Variants in TNNI3K observed in about 807,000 individuals in gnomAD.
The protein encoded by TNNI3K is TNNI3 interacting kinase.
A neutral mutation model predicts 114.5 loss-of-function variants in TNNI3K; 140 were observed. The ratio of observed to expected loss-of-function variants is 1.22; its 90% CI spans 1.07 to 1.41. The LOEUF is 1.41. Among genes scored for constraint, TNNI3K ranks in the 40% most tolerant of loss-of-function variants. The probability of loss-of-function intolerance (pLI) is 0.00; values close to 1 mark genes in which losing one functional copy is unlikely to be tolerated. For synonymous variants in TNNI3K, 347 were observed against 347.5 expected, an observed-to-expected ratio of 1.00 and a Z score of 0.02; for missense variants, 1,125 against 1,007.6, an observed-to-expected ratio of 1.12 and a Z score of -1.58.
At chr1:74,291,677 A>G (rs978298849) in intron 5 of TNNI3K, among the ~76,000 whole-genome samples, 2 of 151,590 alleles carry the variant, frequency 1.3e-5, no homozygotes, top group Non-Finnish European at 3.0e-5. Flanking sequence ...AGTATGCTAC[A>G]GATGCCTTCT....
chr1:74,530,838 T>C (rs987336525), intron 23 of TNNI3K, among the ~76,000 whole-genome samples: 6 of 152,036 alleles, frequency 3.9e-5, no homozygotes, highest in African/African-American at 1.2e-4. Flanking sequence ...TGCCTCTTAA[T>C]GGTTTGCTCA....
chr1:74,363,128 C>T (rs1662059144), intron 11 of TNNI3K, among the ~76,000 whole-genome samples: 1 of 152,046 alleles, frequency 6.6e-6, no homozygotes, highest in Non-Finnish European at 1.5e-5. Flanking sequence ...TATCCATTAT[C>T]AGGAGTTTGG....
chr1:74,518,636 C>T (rs942440275), intron 23 of TNNI3K, among the ~76,000 whole-genome samples: 13 of 152,116 alleles, frequency 8.5e-5, no homozygotes, highest in African/African-American at 3.1e-4. Context: ...ACTGTCAGTG[C>T]AGAGGCTTCA....
intron 5 of TNNI3K, among the ~76,000 whole-genome samples, chr1:74,320,718 C>T (rs773408747): frequency 6.6e-6 from 1 of 152,072 alleles, no homozygotes; most frequent in Admixed American, 6.6e-5. Flanking sequence ...CTGTGTAAGA[C>T]GCAAAATCTT....
chr1:74,419,434 G>C (rs1665287494), intron 17 of TNNI3K, among the ~76,000 whole-genome samples: 1 of 152,050 alleles, frequency 6.6e-6, no homozygotes, highest in Non-Finnish European at 1.5e-5. Flanking sequence ...TATCTTTTGA[G>C]GCCACCATTC....
At chr1:74,392,192 A>C (rs1216651832) in intron 17 of TNNI3K, among the ~76,000 whole-genome samples, 1 of 152,092 alleles carries the variant, frequency 6.6e-6, no homozygotes, top group Non-Finnish European at 1.5e-5. Flanking sequence ...CTGGATTGTA[A>C]CTGGAGAGGG....
At chr1:74,515,434 G>A (rs951112044) in intron 23 of TNNI3K, among the ~76,000 whole-genome samples, 2 of 152,122 alleles carry the variant, frequency 1.3e-5, no homozygotes, top group Non-Finnish European at 2.9e-5. Context: ...CCAAAGTTAA[G>A]GTGAAATTCT....
chr1:74,489,432 G>T (rs975864785), intron 22 of TNNI3K, among the ~76,000 whole-genome samples, 184 bp downstream of exon 22: 3 of 152,140 alleles, frequency 2.0e-5, no homozygotes. Flanking sequence ...AGGGACAAAG[G>T]CAAAGTCAGA....
At chr1:74,340,248 C>G (rs915491493) in intron 7 of TNNI3K, among the ~76,000 whole-genome samples, 11 of 152,124 alleles carry the variant, frequency 7.2e-5, no homozygotes, top group Non-Finnish European at 1.0e-4. Flanking sequence ...TCTACCTACT[C>G]TCTTCAAAAC....
intron 21 of TNNI3K, chr1:74,470,880 C>T (rs1667893767): frequency 2.5e-6 from 1 of 400,552 alleles, no homozygotes; most frequent in Admixed American, 4.4e-5. Context: ...ACTCACTGGT[C>T]TTTGATACAT....
At chr1:74,398,046 G>T (rs1246285539) in intron 17 of TNNI3K, among the ~76,000 whole-genome samples, 2 of 152,236 alleles carry the variant, frequency 1.3e-5, no homozygotes, top group African/African-American at 2.4e-5. Flanking sequence ...AAAGCCTCCT[G>T]CTTCCAGCAG....
At chr1:74,425,927 G>A (rs1665617105) in intron 17 of TNNI3K, among the ~76,000 whole-genome samples, 1 of 151,822 alleles carries the variant, frequency 6.6e-6, no homozygotes, top group Non-Finnish European at 1.5e-5. Flanking sequence ...TAGCTCACAG[G>A]GATAGACTGT....
rs146581794 is a variant in TNNI3K at position 74,538,549 on chromosome 1, A to G, written c.2352-1685A>G. Among the ~76,000 whole-genome samples, 16 of 152,274 alleles carry G rather than the reference A, an allele frequency of 1.1e-4. No individual in the cohort carries two copies. In the East Asian group the frequency reaches 2.5e-3, roughly 24 times the overall value. ...GTATAAGTAAACAGATAAATAAACA[A>G]GATAATTTTCTATAGTTCTGAAAGA... On this transcript the variant is annotated intron_variant, in intron 23 of 24. Coordinates refer to ENST00000326637, the MANE Select transcript of TNNI3K (RefSeq NM_015978.3).
intron 4 of TNNI3K, among the ~76,000 whole-genome samples, chr1:74,257,692 G>A (rs1299695858): frequency 5.5e-5 from 7 of 126,604 alleles, no homozygotes; most frequent in Admixed American, 8.9e-5. Context: ...TTTTTGAGGC[G>A]GAGTCTCGCT....
intron 9 of TNNI3K, among the ~76,000 whole-genome samples, chr1:74,348,312 A>ATT (rs1661134288): frequency 6.6e-6 from 1 of 152,138 alleles, no homozygotes; most frequent in African/African-American, 2.4e-5. Flanking sequence ...AGTTGTAGAT[A>ATT]AGCAGCATTA....
In TNNI3K at chr1:74,483,353, G is replaced by A. The variant is rs1227381138; in HGVS notation, c.2122-5836G>A. The A allele has an allele frequency of 4.2e-6, 3 of 717,304 alleles. No homozygotes were observed. In the South Asian group the frequency reaches 4.4e-5, roughly 11 times the overall value. 44.4% of individuals were successfully genotyped at this position (717,304 alleles called of 1,614,324 possible). On this transcript the variant is annotated intron_variant, in intron 21 of 24. Transcript: ENST00000326637. ...AAGCTGCCACCAACCGCAACATGAT[G>A]GCAAAGAGTACCAGCCATCCACCTG... is the stretch of plus-strand genomic sequence containing the variant.
intron 17 of TNNI3K, chr1:74,418,213 C>A (rs1300676294): frequency 2.2e-6 from 1 of 452,670 alleles, no homozygotes; most frequent in Admixed American, 2.4e-5. Flanking sequence ...AAGCAGCCAT[C>A]TTTGAACATG....
intron 4 of TNNI3K, among the ~76,000 whole-genome samples, chr1:74,255,148 A>G (rs920057619): frequency 1.3e-5 from 2 of 151,936 alleles, no homozygotes; most frequent in African/African-American, 4.8e-5. Flanking sequence ...AGGTCAGGAG[A>G]TCGAGACCAT....
intron 7 of TNNI3K, chr1:74,341,523 A>C (rs1660743786): frequency 6.6e-6 from 1 of 152,040 alleles, no homozygotes; most frequent in African/African-American, 2.4e-5. Flanking sequence ...TTGTTGAGGA[A>C]AGAGAGTGTA....
Sources: gnomAD v4.1 joint callset for allele counts (sites outside exome capture counted in the v4.1 genomes callset) on GRCh38, gnomAD v4.1.1 for gene constraint, MANE v1.5 for transcripts, NCBI Gene and HGNC (gene_info 2026-07-23, HGNC 2026-07-21) for gene names.